The following PTPRD variants were observed in gnomAD, a reference collection of about 807,000 sequenced individuals.
The protein encoded by PTPRD is receptor-type tyrosine-protein phosphatase delta.
In PTPRD, 34 loss-of-function variants were observed where a neutral mutation model predicts 214.5. That is an observed-to-expected ratio of 0.16 (90% CI 0.12 to 0.21). PTPRD has a LOEUF of 0.21. Ranked by LOEUF, PTPRD falls within the 10% of genes least tolerant of loss-of-function variation. The probability of loss-of-function intolerance (pLI) is 1.00; values close to 1 mark genes in which losing one functional copy is unlikely to be tolerated. For missense variants in PTPRD, 2,545 were observed against 2,398.7 expected (o/e 1.06, Z -1.27); for synonymous variants, 1,128 against 845.7 (o/e 1.33, Z -5.79).
intron 5 of PTPRD, among the ~76,000 whole-genome samples, chr9:9,843,862 C>G (rs73641380): frequency 1.3e-5 from 2 of 151,876 alleles, no homozygotes; most frequent in Non-Finnish European, 2.9e-5. Flanking sequence ...TGGAATTTAG[C>G]TAGGATTTTA....
At chr9:10,522,101 G>A (rs531636085) in intron 2 of PTPRD, among the ~76,000 whole-genome samples, 2 of 152,184 alleles carry the variant, frequency 1.3e-5, no homozygotes, top group East Asian at 3.9e-4. Flanking sequence ...TGAAGGAAAG[G>A]TACTGGTGGT....
intron 8 of PTPRD, among the ~76,000 whole-genome samples, chr9:9,405,109 C>A (rs1419122622): frequency 6.6e-6 from 1 of 152,058 alleles, no homozygotes; most frequent in Non-Finnish European, 1.5e-5. Flanking sequence ...AAACACTCTC[C>A]TTCATTTCCT....
At chr9:9,243,584 T>A (rs2131130729) in intron 9 of PTPRD, among the ~76,000 whole-genome samples, 1 of 152,234 alleles carries the variant, frequency 6.6e-6, no homozygotes, top group South Asian at 2.1e-4. Flanking sequence ...TCGATAAAAT[T>A]CAACAATCTT....
intron 2 of PTPRD, among the ~76,000 whole-genome samples, chr9:10,424,414 T>G (rs1228522412): frequency 6.6e-6 from 1 of 151,752 alleles, no homozygotes; most frequent in South Asian, 2.1e-4. Flanking sequence ...ACAGCAACTT[T>G]CCATAAATGA....
intron 9 of PTPRD, among the ~76,000 whole-genome samples, chr9:9,216,598 A>G (rs1410765298): frequency 6.6e-6 from 1 of 152,172 alleles, no homozygotes; most frequent in Non-Finnish European, 1.5e-5. Context: ...GAGAATAATA[A>G]AAACAGGACT....
intron 12 of PTPRD, among the ~76,000 whole-genome samples, chr9:8,687,470 A>T (rs1408748863): frequency 6.6e-6 from 1 of 152,204 alleles, no homozygotes; most frequent in Non-Finnish European, 1.5e-5. Flanking sequence ...TGTGATGTGA[A>T]CCACATGGTC....
At chr9:8,590,510 CCTT>C (rs1341077224) in intron 14 of PTPRD, among the ~76,000 whole-genome samples, 1 of 152,080 alleles carries the variant, frequency 6.6e-6, no homozygotes, top group Admixed American at 6.6e-5. Flanking sequence ...AGTTTCCTGT[CCTT>C]CTCTTCCTAG....
intron 14 of PTPRD, among the ~76,000 whole-genome samples, chr9:8,550,097 T>A (rs2081555430): frequency 6.6e-6 from 1 of 152,192 alleles, no homozygotes; most frequent in African/African-American, 2.4e-5. Context: ...TTGTTTAGTT[T>A]TTACTGTATT....
At chr9:9,885,247 A>G (rs1387814725) in intron 5 of PTPRD, among the ~76,000 whole-genome samples, 1 of 152,102 alleles carries the variant, frequency 6.6e-6, no homozygotes. Flanking sequence ...TACTAAATTG[A>G]GAAGGAAGGG....
rs142767332 is a variant in PTPRD, at chr9:9,218,724, T to C, written c.-202-35361A>G. Reference sequence around the variant, plus strand: ...CTAAATCTGGGACTTTTGTGTGTGGTAGTGTTATCAGCATTATTCTTCTAG... The same window carrying C: ...CTAAATCTGGGACTTTTGTGTGTGGCAGTGTTATCAGCATTATTCTTCTAG... On this transcript the variant is annotated intron_variant, in intron 9 of 45. Coordinates refer to ENST00000381196, the MANE Select transcript of PTPRD (RefSeq NM_002839.4). Among the ~76,000 whole-genome samples the C allele has an allele frequency of 2.2e-4, 34 of 152,198 alleles. 1 individual carries two copies. The highest frequency in any genetic ancestry group is 7.5e-4 in the African/African-American group (31 of 41,532).
chr9:9,978,104 A>ACACACACACACACACG (rs1555422942), intron 4 of PTPRD, among the ~76,000 whole-genome samples: 2 of 151,102 alleles, frequency 1.3e-5, no homozygotes, highest in Admixed American at 6.6e-5. Context: ...ATTAAAACAC[A>ACACACACACACACACG]CACACACACA....
At position 10,423,139 on chromosome 9, in the gene PTPRD, A is replaced by G. The variant is rs919929035; in HGVS notation, c.-599-82122T>C. 2.0e-5 allele frequency among the ~76,000 whole-genome samples: 3 copies of G among 151,950 alleles called. No individual in the cohort carries two copies. The South Asian group carries it at 6.2e-4, about 32-fold the overall frequency. On this transcript the variant is annotated intron_variant, in intron 2 of 45. Transcript: ENST00000381196. ...ACTATGCAGCCATAAAAAAGGATGA[A>G]TTCATGTCCTTTGTAGGGACATGGA...
At chr9:10,507,504 C>CA (rs1296384619) in intron 2 of PTPRD, among the ~76,000 whole-genome samples, 4 of 151,976 alleles carry the variant, frequency 2.6e-5, no homozygotes, top group Non-Finnish European at 5.9e-5. Context: ...AATCCTAAGC[C>CA]AAAAGAACAA....
intron 39 of PTPRD, among the ~76,000 whole-genome samples, chr9:8,351,288 CAT>C (rs1259840231): frequency 1.3e-5 from 2 of 152,072 alleles, no homozygotes; most frequent in Non-Finnish European, 2.9e-5. Context: ...TATTTGTACA[CAT>C]GTTAATGCAC....
chr9:9,547,103 T>C (rs996148507), intron 8 of PTPRD, among the ~76,000 whole-genome samples: 2 of 151,994 alleles, frequency 1.3e-5, no homozygotes, highest in Non-Finnish European at 2.9e-5. Context: ...ACAAAAACCA[T>C]AAAATTGCAC....
chr9:8,369,368 A>G (rs1306925275), intron 39 of PTPRD, among the ~76,000 whole-genome samples: 1 of 152,016 alleles, frequency 6.6e-6, no homozygotes, highest in African/African-American at 2.4e-5. Context: ...AATATGGCCT[A>G]CATAGTTTCC....
chr9:10,393,997 C>A (rs1054875917), intron 2 of PTPRD, among the ~76,000 whole-genome samples: 2 of 147,050 alleles, frequency 1.4e-5, no homozygotes, highest in Admixed American at 1.4e-4. Context: ...TTCCAGGCCT[C>A]ATGGAATTTA....
chr9:9,450,274 C>A (rs1202226925), intron 8 of PTPRD, among the ~76,000 whole-genome samples: 4 of 151,862 alleles, frequency 2.6e-5, no homozygotes, highest in Admixed American at 2.6e-4. Flanking sequence ...TTCCTCTGGG[C>A]AGATACCCAG....
intron 2 of PTPRD, among the ~76,000 whole-genome samples, chr9:10,609,689 A>G (rs1172559683): frequency 2.0e-5 from 3 of 152,150 alleles, no homozygotes; most frequent in African/African-American, 7.2e-5. Context: ...TTCCATAAAG[A>G]ATAAAGCAAA....
Sources: gnomAD v4.1 joint callset for allele counts (sites outside exome capture counted in the v4.1 genomes callset) on GRCh38, gnomAD v4.1.1 for gene constraint, MANE v1.5 for transcripts, NCBI Gene and HGNC (gene_info 2026-07-23, HGNC 2026-07-21) for gene names.